Variants in XRCC5 observed in about 807,000 individuals in gnomAD.
The protein encoded by XRCC5 is DNA repair protein Ku80.
Under a neutral mutation model 95.7 loss-of-function variants are expected in XRCC5, and 12 were observed. That is an observed-to-expected ratio of 0.13 (90% CI 0.08 to 0.20). XRCC5 has a LOEUF of 0.20. Among genes scored for constraint, XRCC5 ranks in the 10% least tolerant of loss-of-function variants. The pLI, the probability that XRCC5 is intolerant of heterozygous loss-of-function variation, is 1.00. For synonymous variants in XRCC5, 281 were observed against 290.3 expected, an observed-to-expected ratio of 0.97 and a Z score of 0.33; for missense variants, 595 against 873.9, an observed-to-expected ratio of 0.68 and a Z score of 4.02.
intron 8 of XRCC5, among the ~76,000 whole-genome samples, chr2:216,129,862 GAGAC>G (rs1201448205): frequency 6.6e-6 from 1 of 152,050 alleles, no homozygotes; most frequent in Non-Finnish European, 1.5e-5. Flanking sequence ...ATTTTTAGTA[GAGAC>G]AGAGTTTCAC....
chr2:216,130,445 GT>G lies in XRCC5; in HGVS notation c.938-428del, dbSNP rs1409098950. 5.9e-5 allele frequency among the ~76,000 whole-genome samples: 9 copies of G among 151,894 alleles called. No homozygotes were observed. The East Asian group carries it at 1.7e-3, about 29-fold the overall frequency. On this transcript the variant is annotated intron_variant, in intron 8 of 20. Transcript: ENST00000392132. ...CAGCATACGTTTTTGAGAACATTTTGTTCTGAAAATTTCCTGTTGGCATTTT... is the reference window on the plus strand; with the variant it reads ...CAGCATACGTTTTTGAGAACATTTTGTCTGAAAATTTCCTGTTGGCATTTT...
At chr2:216,119,239 AG>A in intron 5 of XRCC5, 74 bp downstream of exon 5, 1 of 1,527,880 alleles carries the variant, frequency 6.5e-7, no homozygotes, top group Non-Finnish European at 8.9e-7. Context: ...CTCTGTATAG[AG>A]TACTTGGTTT....
At position 216,187,861 on chromosome 2, in the gene XRCC5, T is replaced by TCCCCCC. The variant is rs1553579201; in HGVS notation, c.1835-2360_1835-2359insCCCCCC. ...CTCTCTCTCTCTCTCTCTCTCTCTC[T>TCCCCCC]CCCCGTCTCCCTGTCTCTCCCTCTC... On this transcript the variant is annotated intron_variant, in intron 16 of 20. Coordinates refer to ENST00000392132, the MANE Select transcript of XRCC5 (RefSeq NM_021141.4). Among the ~76,000 whole-genome samples the TCCCCCC allele has an allele frequency of 1.2e-3, 139 of 116,238 alleles. 7 individuals carry two copies. Among genetic ancestry groups the TCCCCCC allele is most frequent in the African/African-American group, 5.7e-3 (135 of 23,870 alleles). 76.3% of individuals were successfully genotyped at this position (116,238 alleles called of 152,430 possible).
chr2:216,135,676 A>T (rs1697063042), intron 10 of XRCC5, among the ~76,000 whole-genome samples: 2 of 151,906 alleles, frequency 1.3e-5, no homozygotes, highest in Admixed American at 1.3e-4. Context: ...GCGCGTGCCT[A>T]TAATTCCAGC....
chr2:216,147,892 A>T (rs1224529238), intron 13 of XRCC5, among the ~76,000 whole-genome samples, 191 bp from the exon 14 acceptor site: 1 of 152,172 alleles, frequency 6.6e-6, no homozygotes, highest in African/African-American at 2.4e-5. Context: ...CTATTTTTAC[A>T]ATTGGTTTTA....
At chr2:216,204,051 C>T (rs1010402150) in intron 19 of XRCC5, 2 of 448,464 alleles carry the variant, frequency 4.5e-6, no homozygotes, top group Non-Finnish European at 8.3e-6. Context: ...ACACTACACA[C>T]TGTCTCGACA....
intron 16 of XRCC5, among the ~76,000 whole-genome samples, chr2:216,165,575 C>T (rs1343578874): frequency 6.6e-6 from 1 of 152,184 alleles, no homozygotes; most frequent in Admixed American, 6.5e-5. Context: ...CATCTTTTTA[C>T]TAACGCCCTT....
chr2:216,113,302 A>G (rs1290452348), intron 2 of XRCC5, among the ~76,000 whole-genome samples, 173 bp downstream of exon 2: 1 of 152,136 alleles, frequency 6.6e-6, no homozygotes, highest in African/African-American at 2.4e-5. Context: ...CTAGAGTCTG[A>G]TATTTTTTCT....
At chr2:216,155,103 G>A (rs867688594) in intron 14 of XRCC5, among the ~76,000 whole-genome samples, 2 of 151,842 alleles carry the variant, frequency 1.3e-5, no homozygotes, top group African/African-American at 4.8e-5. Flanking sequence ...GCACACACCT[G>A]TAGTCCCAGC....
At chr2:216,196,469 T>C (rs889659926) in intron 19 of XRCC5, among the ~76,000 whole-genome samples, 1 of 152,162 alleles carries the variant, frequency 6.6e-6, no homozygotes, top group Non-Finnish European at 1.5e-5. Context: ...GTCAAGGTTC[T>C]CCAGAGAAAC....
rs555586667 is a variant in XRCC5 at position 216,174,251 on chromosome 2, A to G, written c.1834+12203A>G. ...TATGCTAATTTAAATACCAAATCCT[A>G]TTAATCTAAAACACACATTGCAAAC... On this transcript the variant is annotated intron_variant, in intron 16 of 20. Coordinates refer to ENST00000392132, the MANE Select transcript of XRCC5 (RefSeq NM_021141.4). 5.9e-5 allele frequency among the ~76,000 whole-genome samples: 9 copies of G among 152,340 alleles called. No homozygotes were observed. The South Asian group carries it at 1.7e-3, about 28-fold the overall frequency.
intron 16 of XRCC5, among the ~76,000 whole-genome samples, chr2:216,187,863 C>CT (rs1689535782): frequency 8.6e-6 from 1 of 116,544 alleles, no homozygotes; most frequent in Non-Finnish European, 1.8e-5. Flanking sequence ...TCTCTCTCTC[C>CT]CCGTCTCCCT....
At chr2:216,141,535 C>CT (rs1697168944) in intron 13 of XRCC5, among the ~76,000 whole-genome samples, 7 of 54,228 alleles carry the variant, frequency 1.3e-4, no homozygotes, top group African/African-American at 5.4e-4. Context: ...TGCTTTCTTT[C>CT]TTTTCTTTTT....
intron 7 of XRCC5, 24 bp from the exon 8 acceptor site, chr2:216,127,512 T>G: frequency 6.4e-7 from 1 of 1,571,410 alleles, no homozygotes; most frequent in Non-Finnish European, 8.6e-7. Context: ...TTCCTTGTTT[T>G]CCCTTTGTGT....
At chr2:216,115,159 ATGTC>A (rs955447404) in intron 2 of XRCC5, among the ~76,000 whole-genome samples, 11 of 129,168 alleles carry the variant, frequency 8.5e-5, no homozygotes, top group South Asian at 2.6e-4. Context: ...AACCTTGCTT[ATGTC>A]TGTCGTTTCA....
rs761317801 is a variant in XRCC5 at position 216,141,186 on chromosome 2, A to C, written c.1343A>C (p.Glu448Ala). ...LKNSKKYAPT[E>A]AQLNAVDALI... is the part of the protein sequence containing the mutation. ...TTTTCTTTCGGCTTCTCTGTTTAAG[A>C]GGCACAGTTGAATGCTGTTGATGCT... Residue 448 changes from glutamate (E) to alanine (A), a missense_variant and splice_region_variant, in exon 13 of 21, where the codon GAG becomes GCG. Physicochemically the swap from Glu to Ala is moderately radical, Grantham distance 107. Around this residue, in one of 2 missense-constraint regions of XRCC5, gnomAD observed 309 missense variants for 382.9 expected, o/e 0.81. Transcript: ENST00000392132. The C allele has an allele frequency of 6.2e-7, 1 of 1,613,384 alleles. No individual in the cohort carries two copies. The highest frequency in any genetic ancestry group is 8.5e-7 in the Non-Finnish European group (1 of 1,179,802).
chr2:216,130,089 G>A (rs1696970428), intron 8 of XRCC5, among the ~76,000 whole-genome samples: 2 of 152,068 alleles, frequency 1.3e-5, no homozygotes, highest in South Asian at 2.1e-4. Flanking sequence ...GTGTCTTGGG[G>A]TAAAGATGCA....
chr2:216,119,596 G>T (rs554989988), intron 5 of XRCC5, among the ~76,000 whole-genome samples: 1 of 152,220 alleles, frequency 6.6e-6, no homozygotes, highest in South Asian at 2.1e-4. Context: ...GGGTAGACAG[G>T]AATGCCAACT....
chr2:216,164,170 T>C (rs1689007950), intron 16 of XRCC5, among the ~76,000 whole-genome samples: 1 of 152,236 alleles, frequency 6.6e-6, no homozygotes, highest in Non-Finnish European at 1.5e-5. Context: ...AATGAACTCT[T>C]GTCTATCAAG....
Sources: allele counts gnomAD v4.1 joint callset (sites outside exome capture counted in the v4.1 genomes callset), GRCh38; gene constraint gnomAD v4.1.1; regional missense constraint gnomAD v4.1.1; transcripts MANE v1.5; gene names NCBI Gene and HGNC (gene_info 2026-07-23, HGNC 2026-07-21).